The following CTPS2 variants were observed in gnomAD, a reference collection of about 807,000 sequenced individuals.
CTPS2 encodes the protein CTP synthase II.
In CTPS2, 19 loss-of-function variants were observed where a neutral mutation model predicts 46.8. The observed-to-expected ratio is 0.41, with a 90% confidence interval of 0.28 to 0.60. CTPS2 has a LOEUF of 0.60. Among genes scored for constraint, CTPS2 ranks in the 20% least tolerant of loss-of-function variants. The pLI is 0.35. For synonymous variants in CTPS2, 151 were observed against 165.2 expected, an observed-to-expected ratio of 0.91 and a Z score of 0.66; for missense variants, 286 against 447.6, an observed-to-expected ratio of 0.64 and a Z score of 3.26.
At chrX:16,620,922 A>C (rs1395130213) in intron 14 of CTPS2, among the ~76,000 whole-genome samples, 1 of 112,406 alleles carries the variant, frequency 8.9e-6, no homozygotes, top group Non-Finnish European at 1.9e-5. Context: ...ACTTCTCAGA[A>C]TTTATCCCAG....
intron 14 of CTPS2, chrX:16,626,883 C>T (rs1342044328): frequency 8.9e-6 from 1 of 112,875 alleles, no homozygotes; most frequent in Non-Finnish European, 1.9e-5. Flanking sequence ...CTCCCACATT[C>T]GCTCCCCTGG....
chrX:16,667,810 C>G (rs1359852172), intron 11 of CTPS2, 86 bp from the exon 12 acceptor site: 6 of 871,689 alleles, frequency 6.9e-6, no homozygotes, highest in Non-Finnish European at 1.0e-5. Context: ...TGCCTGTCTC[C>G]CCTATCTAGA....
At chrX:16,670,708 T>C in intron 10 of CTPS2, 34 bp from the exon 11 acceptor site, 6 of 1,036,287 alleles carry the variant, frequency 5.8e-6, no homozygotes, top group Non-Finnish European at 7.9e-6. Context: ...TAAACTTGAC[T>C]ATCCATTTTT....
At chrX:16,659,082 A>G (rs758405724) in intron 13 of CTPS2, among the ~76,000 whole-genome samples, 1 of 112,087 alleles carries the variant, frequency 8.9e-6, no homozygotes, top group Non-Finnish European at 1.9e-5. Context: ...CTATGGTTTG[A>G]GTTTTTATTA....
intron 10 of CTPS2, among the ~76,000 whole-genome samples, chrX:16,674,429 C>T (rs1432587148): frequency 1.8e-5 from 2 of 111,121 alleles, no homozygotes; most frequent in African/African-American, 6.5e-5. Flanking sequence ...TCCCAAAGTG[C>T]TGGGATTACA....
chrX:16,694,573 G>A (rs946203728), intron 4 of CTPS2, among the ~76,000 whole-genome samples: 1 of 112,699 alleles, frequency 8.9e-6, no homozygotes, highest in Non-Finnish European at 1.9e-5. Flanking sequence ...AGCCCCATGA[G>A]GGCATGAGCC....
intron 14 of CTPS2, among the ~76,000 whole-genome samples, chrX:16,637,587 T>C (rs1205330495): frequency 8.9e-6 from 1 of 112,643 alleles, no homozygotes; most frequent in African/African-American, 3.2e-5. Context: ...AAAAACTTAG[T>C]ACAATTATCA....
chrX:16,676,313 G>T (rs1012707121), intron 10 of CTPS2, among the ~76,000 whole-genome samples: 2 of 111,466 alleles, frequency 1.8e-5, no homozygotes, highest in African/African-American at 6.5e-5. Flanking sequence ...TTTCTGACCT[G>T]TGGTAACTAA....
chrX:16,672,927 C>T (rs1234230648), intron 10 of CTPS2, among the ~76,000 whole-genome samples: 3 of 88,945 alleles, frequency 3.4e-5, no homozygotes, highest in African/African-American at 1.4e-4. Context: ...CGCTCTGTCG[C>T]CCAGGCTGGA....
chrX:16,680,035 G>T (rs1188078372), intron 9 of CTPS2, among the ~76,000 whole-genome samples: 1 of 111,307 alleles, frequency 9.0e-6, no homozygotes, highest in Non-Finnish European at 1.9e-5. Context: ...CAAAGGCAGG[G>T]AAGACTGGCA....
chrX:16,693,678 G>A (rs780825418), intron 4 of CTPS2, among the ~76,000 whole-genome samples, 191 bp from the exon 5 acceptor site: 3 of 111,200 alleles, frequency 2.7e-5, no homozygotes, highest in South Asian at 7.5e-4. Flanking sequence ...TGATCCCAGC[G>A]CTTTGGGAGG....
chrX:16,628,622 T>C (rs1310779592), intron 14 of CTPS2, among the ~76,000 whole-genome samples: 10 of 111,753 alleles, frequency 8.9e-5, no homozygotes, highest in African/African-American at 3.3e-4. Flanking sequence ...CACCTCGGCC[T>C]CCCAAAGTGC....
At chrX:16,680,932 T>C (rs999741906) in intron 9 of CTPS2, among the ~76,000 whole-genome samples, 25 of 111,598 alleles carry the variant, frequency 2.2e-4, no homozygotes, top group Non-Finnish European at 3.6e-4. Flanking sequence ...ACGCTTGTAA[T>C]CCCAACACTT....
At chrX:16,630,254 T>TTTA (rs1415944251) in intron 14 of CTPS2, among the ~76,000 whole-genome samples, 2 of 73,002 alleles carry the variant, frequency 2.7e-5, no homozygotes, top group African/African-American at 8.1e-5. Context: ...GTGTTGTATT[T>TTTA]TTTTTTTTTT....
At chrX:16,689,722 G>T in intron 7 of CTPS2, 121 bp from the exon 8 acceptor site, 1 of 558,876 alleles carries the variant, frequency 1.8e-6, no homozygotes, top group East Asian at 3.7e-5. Context: ...ACACACACAC[G>T]CACACACAAA....
At chrX:16,706,916 G>A (rs1410211436) in intron 1 of CTPS2, among the ~76,000 whole-genome samples, 2 of 107,341 alleles carry the variant, frequency 1.9e-5, no homozygotes, top group Non-Finnish European at 3.8e-5. Context: ...GGTAGTATGC[G>A]CCTGTAATCC....
intron 8 of CTPS2, among the ~76,000 whole-genome samples, chrX:16,687,348 A>G (rs760503832): frequency 9.2e-6 from 1 of 108,130 alleles, no homozygotes; most frequent in East Asian, 2.9e-4. Flanking sequence ...GGTGTAGCGC[A>G]CCTGTGGTCC....
At chrX:16,602,066 G>T (rs1929699964) in intron 17 of CTPS2, among the ~76,000 whole-genome samples, 1 of 111,780 alleles carries the variant, frequency 8.9e-6, no homozygotes, top group African/African-American at 3.3e-5. Context: ...GAGGGAGGAG[G>T]AATCTGAGCT....
chrX:16,620,169 T>A, intron 15 of CTPS2, 108 bp downstream of exon 15: 1 of 591,081 alleles, frequency 1.7e-6, no homozygotes, highest in Non-Finnish European at 2.7e-6. Flanking sequence ...CTCTGAGCCC[T>A]GTGAATACCA....
Sources: gnomAD v4.1 joint callset for allele counts (sites outside exome capture counted in the v4.1 genomes callset) on GRCh38, gnomAD v4.1.1 for gene constraint, MANE v1.5 for transcripts, NCBI Gene and HGNC (gene_info 2026-07-23, HGNC 2026-07-21) for gene names.